The following PTPRF variants were observed in gnomAD, a reference collection of about 807,000 sequenced individuals.
PTPRF encodes the protein receptor-type tyrosine-protein phosphatase F.
A neutral mutation model predicts 201.8 loss-of-function variants in PTPRF; 59 were observed. The ratio of observed to expected loss-of-function variants is 0.29; its 90% CI spans 0.24 to 0.36. PTPRF has a LOEUF of 0.36. Ranked by LOEUF, PTPRF falls within the 10% of genes least tolerant of loss-of-function variation. The pLI, the probability that PTPRF is intolerant of heterozygous loss-of-function variation, is 1.00. For missense variants in PTPRF, 2,132 were observed against 2,690.5 expected, an observed-to-expected ratio of 0.79 and a Z score of 4.59; for synonymous variants, 1,088 against 1,089.7, an observed-to-expected ratio of 1.00 and a Z score of 0.03.
chr1:43,525,001 C>CACCG (rs1357483919), upstream of PTPRF, among the ~76,000 whole-genome samples: 1 of 152,190 alleles, frequency 6.6e-6, no homozygotes, highest in Non-Finnish European at 1.5e-5. Flanking sequence ...GTTGCTTGAG[C>CACCG]ACCGCCCTGT....
rs1336334198 is a variant in PTPRF at position 43,598,933 on chromosome 1, T to C, written c.2313+20T>C. 1 of 1,608,578 alleles carries C rather than the reference T, an allele frequency of 6.2e-7. No individual in the cohort carries two copies. Among genetic ancestry groups the C allele is most frequent in the South Asian group, 1.1e-5 (1 of 90,666 alleles). Reference sequence around the variant, plus strand: ...GCCCAGGTGCAGCATTGGGTGGTGGTGGGGTGGCAGGGTGAGCACAGACCA... The same window carrying C: ...GCCCAGGTGCAGCATTGGGTGGTGGCGGGGTGGCAGGGTGAGCACAGACCA... On this transcript the variant is annotated intron_variant, in intron 13 of 33. Coordinates refer to ENST00000359947, the MANE Select transcript of PTPRF (RefSeq NM_002840.5).
At position 43,605,185 on chromosome 1, in the gene PTPRF, C is replaced by A; in HGVS notation, c.3136-5C>A. ...GGCATTGATTGCCCCTCCCGTCCCC[C>A]ACAGATTCTGTACAATGGGCAGAGT... On this transcript the variant is annotated splice_polypyrimidine_tract_variant and splice_region_variant and intron_variant, in intron 17 of 33. Coordinates refer to ENST00000359947, the MANE Select transcript of PTPRF (RefSeq NM_002840.5). 6.3e-7 allele frequency: 1 copy of A among 1,592,796 alleles called. No individual in the cohort carries two copies. Among genetic ancestry groups the A allele is most frequent in the Non-Finnish European group, 8.6e-7 (1 of 1,164,544 alleles).
At chr1:43,593,891 C>T (rs1001680643) in intron 11 of PTPRF, among the ~76,000 whole-genome samples, 4 of 151,970 alleles carry the variant, frequency 2.6e-5, no homozygotes, top group Admixed American at 6.5e-5. Flanking sequence ...GAGGCTGAGG[C>T]AGGAGAATCA....
rs190587403 is a variant in PTPRF, at chr1:43,610,674, G to A, written c.3973+1176G>A. On this transcript the variant is annotated intron_variant, in intron 22 of 33. Transcript: ENST00000359947. ...CCGGGTGGATCACCTGAGGTCAGGA[G>A]TTCGAGACCAGCTAATGAAATCCCA... Among the ~76,000 whole-genome samples, 70 of 152,326 alleles carry A rather than the reference G, an allele frequency of 4.6e-4. 2 individuals carry two copies. In the East Asian group the frequency reaches 0.012, roughly 27 times the overall value.
intron 7 of PTPRF, among the ~76,000 whole-genome samples, chr1:43,580,952 C>T (rs1647433881): frequency 6.6e-6 from 1 of 152,238 alleles, no homozygotes; most frequent in Non-Finnish European, 1.5e-5. Flanking sequence ...GAAGAAGGCC[C>T]AGAGGTGGAT....
chr1:43,605,086 G>A (rs1383797495), intron 17 of PTPRF, 86 bp downstream of exon 17: 34 of 1,575,160 alleles, frequency 2.2e-5, no homozygotes, highest in Middle Eastern at 1.8e-4. Flanking sequence ...ATGTGCATCC[G>A]GCTGTGGAGC....
chr1:43,584,332 C>CA (rs1648554891), intron 7 of PTPRF, among the ~76,000 whole-genome samples: 2 of 152,218 alleles, frequency 1.3e-5, no homozygotes, highest in African/African-American at 2.4e-5. Context: ...GTGAGGGAGC[C>CA]GGTCGAGAGG....
Position 43,530,919 on chromosome 1 carries a change from AGCTTCGGCTCCGGCTCGGGCTCGG to A in PTPRF, c.-293_-270del. 1 of 153,324 alleles carries A rather than the reference AGCTTCGGCTCCGGCTCGGGCTCGG, an allele frequency of 6.5e-6. No individual in the cohort carries two copies. Among genetic ancestry groups the A allele is most frequent in the Non-Finnish European group, 1.4e-5 (1 of 69,782 alleles). 9.5% of individuals were successfully genotyped at this position (153,324 alleles called of 1,614,324 possible). On this transcript the variant is annotated 5_prime_UTR_variant, in exon 1 of 34. Transcript: ENST00000359947. The surrounding 1 kb of genome is among the most constrained non-coding windows in gnomAD (Gnocchi z 4.1). ...TGGCGGCGGCAGAGGCGGCGGCTCC[AGCTTCGGCTCCGGCTCGGGCTCGG>A]GCTCCGGCTCCGGCTCCGGCTCCGG...
At chr1:43,609,355 C>G in intron 21 of PTPRF, 28 bp from the exon 22 acceptor site, 1 of 1,594,994 alleles carries the variant, frequency 6.3e-7, no homozygotes, top group Non-Finnish European at 8.6e-7. Flanking sequence ...ACCTCAGGTT[C>G]TCACCAGCCT....
At chr1:43,581,703 G>A (rs1647690266) in intron 7 of PTPRF, among the ~76,000 whole-genome samples, 1 of 152,238 alleles carries the variant, frequency 6.6e-6, no homozygotes, top group Non-Finnish European at 1.5e-5. Flanking sequence ...CTGCTTGTGG[G>A]TGGATGGCCG....
At chr1:43,551,669 G>A (rs1426729755) in intron 3 of PTPRF, among the ~76,000 whole-genome samples, 4 of 152,158 alleles carry the variant, frequency 2.6e-5, no homozygotes, top group Non-Finnish European at 5.9e-5. Flanking sequence ...CACCCTCCGA[G>A]CCTCTATTTC....
chr1:43,612,092 C>T (rs958074680), intron 22 of PTPRF, among the ~76,000 whole-genome samples: 1 of 152,148 alleles, frequency 6.6e-6, no homozygotes, highest in Non-Finnish European at 1.5e-5. Context: ...CACAGCCAGA[C>T]GAGAGCAGGA....
intron 23 of PTPRF, among the ~76,000 whole-genome samples, chr1:43,615,577 T>C (rs1233044805): frequency 9.5e-5 from 9 of 94,282 alleles, no homozygotes; most frequent in African/African-American, 1.2e-4. Flanking sequence ...TTTTTTTTTT[T>C]TTTTCTTTTT....
At chr1:43,618,891 A>G in intron 26 of PTPRF, 142 bp downstream of exon 26, 1 of 1,439,694 alleles carries the variant, frequency 6.9e-7, no homozygotes, top group Non-Finnish European at 9.5e-7. Flanking sequence ...GTGATGATCC[A>G]TGTTATGGGA....
intron 22 of PTPRF, chr1:43,612,732 T>G: frequency 7.4e-7 from 1 of 1,356,822 alleles, no homozygotes; most frequent in African/African-American, 1.5e-5. Context: ...TGCCCCGTTG[T>G]TTTTTTCGTT....
Position 43,623,150 on chromosome 1 carries a change from C to T in PTPRF, c.*1147C>T, listed in dbSNP as rs1182569447. The T allele has an allele frequency of 6.5e-6, 1 of 152,724 alleles. No homozygotes were observed. Among genetic ancestry groups the T allele is most frequent in the Non-Finnish European group, 1.5e-5 (1 of 68,094 alleles). The allele number at this position is 152,724 out of a possible 1,614,324, so 9.5% of individuals were successfully genotyped here. ...AGGGCCAAGCGGGGGCGTGGCTGGC[C>T]TTTCAGGTCCAGGCCAGTGGGCCTG... is the stretch of plus-strand genomic sequence containing the variant. On this transcript the variant is annotated 3_prime_UTR_variant, in exon 34 of 34. Transcript: ENST00000359947.
At chr1:43,583,184 C>T (rs992581697) in intron 7 of PTPRF, 2 of 863,212 alleles carry the variant, frequency 2.3e-6, no homozygotes, top group Non-Finnish European at 2.8e-6. Context: ...TCAGCTCCCT[C>T]AGGCTCACTG....
chr1:43,576,959 C>CT (rs1646968776), intron 6 of PTPRF, among the ~76,000 whole-genome samples: 1 of 152,200 alleles, frequency 6.6e-6, no homozygotes, highest in South Asian at 2.1e-4. Flanking sequence ...CCCTGCCCAT[C>CT]TACTCAGCCT....
intron 11 of PTPRF, 45 bp downstream of exon 11, chr1:43,592,646 C>T (rs749034402): frequency 7.7e-7 from 1 of 1,300,558 alleles, no homozygotes; most frequent in Non-Finnish European, 1.0e-6. Context: ...TGGGCTGGGA[C>T]ACACACACAC....
Sources: allele counts gnomAD v4.1 joint callset (sites outside exome capture counted in the v4.1 genomes callset), GRCh38; gene constraint gnomAD v4.1.1; non-coding constraint Gnocchi (gnomAD v3.1); transcripts MANE v1.5; gene names NCBI Gene and HGNC (gene_info 2026-07-23, HGNC 2026-07-21).